Variants in AMZ2 observed in about 807,000 individuals in gnomAD.
AMZ2 encodes the protein archaemetzincin-2.
Under a neutral mutation model 36.7 loss-of-function variants are expected in AMZ2, and 26 were observed. The ratio of observed to expected loss-of-function variants is 0.71; its 90% CI spans 0.52 to 0.98. The LOEUF (loss-of-function observed/expected upper bound fraction) is 0.98, where lower values mean the gene tolerates loss of function less well. Among genes scored for constraint, AMZ2 ranks in the 50% least tolerant of loss-of-function variants. The probability of loss-of-function intolerance (pLI) is 0.00; values close to 1 mark genes in which losing one functional copy is unlikely to be tolerated. For missense variants in AMZ2, 394 were observed against 430.5 expected (o/e 0.92, Z 0.75); for synonymous variants, 144 against 149.1 (o/e 0.97, Z 0.25).
At chr17:68,210,103 T>C (rs1555725559) in intron 1 of AMZ2, among the ~76,000 whole-genome samples, 2 of 152,184 alleles carry the variant, frequency 1.3e-5, no homozygotes, top group Non-Finnish European at 2.9e-5. Flanking sequence ...TGTAAAACCA[T>C]GTAACACTGG....
chr17:68,209,630 A>ATTTTT (rs1339157573), intron 1 of AMZ2, among the ~76,000 whole-genome samples: 2 of 98,484 alleles, frequency 2.0e-5, no homozygotes, highest in Non-Finnish European at 3.7e-5. Context: ...ATATATATAT[A>ATTTTT]TATTTTTTTT....
upstream of AMZ2, chr17:68,247,657 T>C (rs2074088211): frequency 3.0e-6 from 3 of 985,244 alleles, no homozygotes; most frequent in African/African-American, 1.7e-5. Flanking sequence ...GCCGACTCAT[T>C]TGGGGCCACG....
intron 1 of AMZ2, among the ~76,000 whole-genome samples, chr17:68,219,384 A>G (rs1380639117): frequency 3.3e-5 from 5 of 152,118 alleles, no homozygotes; most frequent in Non-Finnish European, 4.4e-5. Context: ...CACATGGCAA[A>G]TCCTACTCAT....
rs1247038880 is a variant in AMZ2 at position 68,235,565 on chromosome 17, C to T, written c.-66-13075C>T. Among the ~76,000 whole-genome samples, 3 of 152,092 alleles carry T rather than the reference C, an allele frequency of 2.0e-5. No individual in the cohort carries two copies. Among genetic ancestry groups the T allele is most frequent in the Non-Finnish European group, 2.9e-5 (2 of 68,006 alleles). On this transcript the variant is annotated intron_variant, in intron 1 of 7. Coordinates refer to the AMZ2 transcript ENST00000674770. This position sits in a 1 kb window ranked among gnomAD's most constrained non-coding sequence, Gnocchi z 4.2. ...GCAAAGTAGGTTGGCTTCCCCCTTA[C>T]GGAGCCCCTATCCGGGACAGCCTCA...
At chr17:68,245,565 A>C (rs1184882156), upstream of AMZ2, among the ~76,000 whole-genome samples, 1 of 152,176 alleles carries the variant, frequency 6.6e-6, no homozygotes, top group Non-Finnish European at 1.5e-5. Context: ...GTTATTTAAG[A>C]AAATAAATAT....
At chr17:68,255,965 T>G in intron 6 of AMZ2, 89 bp downstream of exon 6, 1 of 1,329,486 alleles carries the variant, frequency 7.5e-7, no homozygotes, top group Non-Finnish European at 1.0e-6. Flanking sequence ...TCTGGAGTTA[T>G]AATTTATCAG....
chr17:68,244,861 T>C (rs2073969666), upstream of AMZ2, among the ~76,000 whole-genome samples: 1 of 152,242 alleles, frequency 6.6e-6, no homozygotes, highest in Non-Finnish European at 1.5e-5. Flanking sequence ...TCAGTAAAGT[T>C]GAACACATGG....
intron 1 of AMZ2, among the ~76,000 whole-genome samples, chr17:68,220,783 T>C (rs1289005140): frequency 7.6e-5 from 3 of 39,680 alleles, no homozygotes; most frequent in Non-Finnish European, 1.4e-4. Context: ...TTTCTTTCTC[T>C]TTTTTTTTTT....
At chr17:68,247,964 G>A (rs1475429880), upstream of AMZ2, 2 of 984,578 alleles carry the variant, frequency 2.0e-6, no homozygotes, top group Non-Finnish European at 2.4e-6. Flanking sequence ...TGAGTTGGGC[G>A]GGGCCCACAG....
chr17:68,232,951 C>T (rs1462001497), intron 1 of AMZ2, among the ~76,000 whole-genome samples: 2 of 152,224 alleles, frequency 1.3e-5, no homozygotes, highest in Non-Finnish European at 2.9e-5. Context: ...GTGTCTTAGT[C>T]AGCTTGGGCT....
chr17:68,209,602 G>GTATA (rs1248054612), intron 1 of AMZ2, among the ~76,000 whole-genome samples: 1 of 121,056 alleles, frequency 8.3e-6, no homozygotes, highest in Non-Finnish European at 1.6e-5. Context: ...GTGTGTGTGT[G>GTATA]TGTATATGTA....
chr17:68,220,600 T>C (rs2073321147), intron 1 of AMZ2, among the ~76,000 whole-genome samples: 1 of 152,038 alleles, frequency 6.6e-6, no homozygotes. Context: ...GATAAGAAAA[T>C]GATCCACTTA....
intron 2 of AMZ2, 135 bp downstream of exon 2, chr17:68,250,605 T>C: frequency 7.7e-7 from 1 of 1,300,678 alleles, no homozygotes. Context: ...GGTACAAGTT[T>C]TGTAGCCAAA....
intron 3 of AMZ2, 37 bp from the exon 4 acceptor site, chr17:68,251,013 T>A (rs782617949): frequency 6.2e-7 from 1 of 1,607,660 alleles, no homozygotes; most frequent in South Asian, 1.1e-5. Context: ...ATGTATATAA[T>A]ATACACTCAT....
At chr17:68,209,602 GTGTATATGTA>G (rs1240632384) in intron 1 of AMZ2, among the ~76,000 whole-genome samples, 99 of 121,038 alleles carry the variant, frequency 8.2e-4, no homozygotes, top group Non-Finnish European at 1.2e-3. Context: ...GTGTGTGTGT[GTGTATATGTA>G]TATATATATA....
At chr17:68,240,597 C>G (rs185172215) in intron 1 of AMZ2, among the ~76,000 whole-genome samples, 2,079 of 152,206 alleles carry the variant, frequency 0.014, 17 homozygotes, top group Admixed American at 0.023. Flanking sequence ...GGATAAGAGT[C>G]TCAGTATCGA....
chr17:68,211,740 GTATA>G (rs1488943348), intron 1 of AMZ2, among the ~76,000 whole-genome samples: 4 of 124,268 alleles, frequency 3.2e-5, no homozygotes, highest in Non-Finnish European at 6.7e-5. Flanking sequence ...GTATATATGT[GTATA>G]TGTATATATG....
chr17:68,253,944 C>T (rs1275811337), intron 4 of AMZ2, among the ~76,000 whole-genome samples: 1 of 151,882 alleles, frequency 6.6e-6, no homozygotes, highest in African/African-American at 2.4e-5. Flanking sequence ...AGGGTTTCAC[C>T]ATGTTAGCCA....
chr17:68,219,816 G>A (rs191713199), intron 1 of AMZ2, among the ~76,000 whole-genome samples: 2 of 151,808 alleles, frequency 1.3e-5, no homozygotes, highest in African/African-American at 4.8e-5. Context: ...TTGTAGGCAT[G>A]AGCCACCTCG....
Sources: allele counts gnomAD v4.1 joint callset (sites outside exome capture counted in the v4.1 genomes callset), GRCh38; gene constraint gnomAD v4.1.1; non-coding constraint Gnocchi (gnomAD v3.1); transcripts MANE v1.5; gene names NCBI Gene and HGNC (gene_info 2026-07-23, HGNC 2026-07-21).